GOSR2: variants seen among roughly 807,000 people sequenced by gnomAD.
GOSR2 encodes the protein 27 kDa Golgi SNARE protein.
A neutral mutation model predicts 27.9 loss-of-function variants in GOSR2; 20 were observed. That is an observed-to-expected ratio of 0.72 (90% CI 0.50 to 1.04). The LOEUF (loss-of-function observed/expected upper bound fraction) is 1.04, where lower values mean the gene tolerates loss of function less well. GOSR2 is among the 50% of genes least tolerant of loss of function. The pLI, the probability that GOSR2 is intolerant of heterozygous loss-of-function variation, is 0.00. For missense variants in GOSR2, 261 were observed against 270.5 expected (o/e 0.97, Z 0.25); for synonymous variants, 91 against 98.8 (o/e 0.92, Z 0.47).
chr17:46,967,258 C>A (rs1472213514), downstream of GOSR2, among the ~76,000 whole-genome samples: 8 of 152,222 alleles, frequency 5.3e-5, no homozygotes, highest in Non-Finnish European at 1.2e-4. Context: ...CCCAGCTCTG[C>A]CACTTATTGG....
At chr17:46,964,841 A>G (rs2091241107) in intron 6 of GOSR2, 1 of 152,278 alleles carries the variant, frequency 6.6e-6, no homozygotes. Context: ...CAAGAAAAGA[A>G]AAAAGGAGAA....
intron 6 of GOSR2, among the ~76,000 whole-genome samples, chr17:46,950,678 TGCCTGCCCGGGGCCCTGCTCAGTG>T (rs1315408570): frequency 1.3e-5 from 2 of 152,132 alleles, no homozygotes; most frequent in Non-Finnish European, 2.9e-5. Flanking sequence ...CCCACCATCC[TGCCTGCCCGGGGCCCTGCTCAGTG>T]GCTTGAGAGG....
downstream of GOSR2, among the ~76,000 whole-genome samples, chr17:46,944,209 C>T (rs988055236): frequency 1.3e-5 from 2 of 152,222 alleles, no homozygotes; most frequent in Non-Finnish European, 2.9e-5. Flanking sequence ...CCAGTGTTAG[C>T]TGTTTCAGGG....
At chr17:46,943,780 G>T (rs1281593849), downstream of GOSR2, among the ~76,000 whole-genome samples, 4 of 152,252 alleles carry the variant, frequency 2.6e-5, no homozygotes, top group Non-Finnish European at 5.9e-5. Context: ...AGCAATGACT[G>T]CAGTAAAAGA....
chr17:46,958,709 CAG>C (rs2090882609), intron 6 of GOSR2, among the ~76,000 whole-genome samples: 1 of 152,230 alleles, frequency 6.6e-6, no homozygotes, highest in African/African-American at 2.4e-5. Context: ...GAGGTCCTCA[CAG>C]GGGCACAGTG....
At chr17:46,957,572 C>T (rs968647336) in intron 6 of GOSR2, among the ~76,000 whole-genome samples, 1 of 152,094 alleles carries the variant, frequency 6.6e-6, no homozygotes, top group African/African-American at 2.4e-5. Context: ...GAGATCATGC[C>T]ACTGCACTCC....
chr17:46,939,936 A>G lies in GOSR2; in HGVS notation c.*1176A>G, dbSNP rs565433765. ...GTATGTTCTCATTTACCACAGGCCT[A>G]CCAGCCCTGGGCACAGCAGCTTCAT... On this transcript the variant is annotated 3_prime_UTR_variant, in exon 6 of 6. Transcript: ENST00000640051. 6 of 1,002,276 alleles carry G rather than the reference A, an allele frequency of 6.0e-6. No homozygotes were observed. In the South Asian group the frequency reaches 1.7e-4, roughly 28 times the overall value. The allele number at this position is 1,002,276 out of a possible 1,614,324, so 62.1% of individuals were successfully genotyped here.
At chr17:46,933,630 C>CG (rs2087748318) in intron 4 of GOSR2, 1 of 35,002 alleles carries the variant, frequency 2.9e-5, no homozygotes, top group African/African-American at 7.6e-5. Flanking sequence ...AGTGGCATAA[C>CG]CTTTTTTTTT....
rs185663885 is a variant in GOSR2 at position 46,954,033 on chromosome 17, A to C, written c.584-12501A>C. ...TTCTTTTGCTGTGCGGAAGCTCTTT[A>C]GTTTGATTAGATCCCATTTGTCAAT... is the stretch of plus-strand genomic sequence containing the variant. On this transcript the variant is annotated intron_variant, in intron 6 of 6. Transcript: ENST00000573224. Among the ~76,000 whole-genome samples the C allele has an allele frequency of 2.1e-3, 327 of 152,170 alleles. 4 individuals carry two copies. In the East Asian group the frequency reaches 0.039, roughly 18 times the overall value.
intron 5 of GOSR2, chr17:46,936,944 T>C (rs748233574): frequency 1.6e-5 from 6 of 366,812 alleles, no homozygotes; most frequent in Non-Finnish European, 2.3e-5. Flanking sequence ...TTCTCTCAGT[T>C]GCTCATTAAT....
rs889160340 is a variant in GOSR2, at chr17:46,938,687, A to G, written c.566A>G (p.Asp189Gly). Residue 189 changes from aspartate (D) to glycine (G), a missense_variant, in exon 6 of 6, where the codon GAC becomes GGC. By Grantham distance (94) the Asp-to-Gly change is moderately conservative. Coordinates refer to ENST00000640051, the MANE Select transcript of GOSR2 (RefSeq NM_004287.5). ...MRLIEKRAFQ[D>G]KYFMIGGMLL... is the part of the protein sequence containing the mutation. ...CTCATCGAGAAGCGGGCTTTCCAGG[A>G]CAAGTACTTTATGATAGGTGGGATG... 1 of 1,613,534 alleles carries G rather than the reference A, an allele frequency of 6.2e-7. No individual in the cohort carries two copies. Among genetic ancestry groups the G allele is most frequent in the Non-Finnish European group, 8.5e-7 (1 of 1,179,834 alleles).
chr17:46,951,723 CAA>C (rs1490575842), intron 6 of GOSR2, among the ~76,000 whole-genome samples: 2 of 152,126 alleles, frequency 1.3e-5, no homozygotes, highest in Non-Finnish European at 2.9e-5. Context: ...GATAGTGACA[CAA>C]GAGGAAAAGG....
At chr17:46,946,872 AAAAC>A (rs2089946012), downstream of GOSR2, among the ~76,000 whole-genome samples, 2 of 152,338 alleles carry the variant, frequency 1.3e-5, no homozygotes, top group South Asian at 4.1e-4. Flanking sequence ...CAATTTTAAA[AAAAC>A]AAAAATTATG....
chr17:46,929,764 G>A (rs2087028578), intron 2 of GOSR2, 180 bp downstream of exon 2: 2 of 597,896 alleles, frequency 3.3e-6, no homozygotes. Flanking sequence ...TGTGCCCTTT[G>A]GAATCCCACA....
chr17:46,969,696 C>G (rs577277526), downstream of GOSR2, among the ~76,000 whole-genome samples: 3 of 152,182 alleles, frequency 2.0e-5, no homozygotes, highest in Non-Finnish European at 2.9e-5. Flanking sequence ...GAAGAGTTCA[C>G]GGGAATCAAA....
chr17:46,965,321 C>T (rs979178184), intron 6 of GOSR2, among the ~76,000 whole-genome samples: 2 of 152,232 alleles, frequency 1.3e-5, no homozygotes, highest in Non-Finnish European at 2.9e-5. Context: ...TGGTGCCCTG[C>T]TCATGACAAA....
At chr17:46,964,568 A>G (rs2091232531) in intron 6 of GOSR2, 1 of 152,294 alleles carries the variant, frequency 6.6e-6, no homozygotes, top group African/African-American at 2.4e-5. Flanking sequence ...GTGCCATGGG[A>G]GAGAGAAAAA....
downstream of GOSR2, among the ~76,000 whole-genome samples, chr17:46,946,456 C>A: frequency 9.2e-6 from 1 of 109,272 alleles, no homozygotes. Context: ...AGCAAAACTC[C>A]GTCTCAAAAA....
chr17:46,967,403 A>T (rs999536857), downstream of GOSR2, among the ~76,000 whole-genome samples: 25 of 152,256 alleles, frequency 1.6e-4, no homozygotes, highest in African/African-American at 5.5e-4. Flanking sequence ...ATTAGCTGTC[A>T]TTACCAAGAT....
Sources: gnomAD v4.1 joint callset for allele counts (sites outside exome capture counted in the v4.1 genomes callset) on GRCh38, gnomAD v4.1.1 for gene constraint, MANE v1.5 for transcripts, NCBI Gene and HGNC (gene_info 2026-07-23, HGNC 2026-07-21) for gene names.